The following ARID4A variants were observed in gnomAD, a reference collection of about 807,000 sequenced individuals.
ARID4A encodes AT-rich interactive domain-containing protein 4A.
Under a neutral mutation model 148.6 loss-of-function variants are expected in ARID4A, and 39 were observed. That is an observed-to-expected ratio of 0.26 (90% CI 0.20 to 0.34). The LOEUF (loss-of-function observed/expected upper bound fraction) is 0.34, where lower values mean the gene tolerates loss of function less well. Among genes scored for constraint, ARID4A ranks in the 10% least tolerant of loss-of-function variants. ARID4A has a pLI of 1.00. For missense variants in ARID4A, 1,265 were observed against 1,449.1 expected, an observed-to-expected ratio of 0.87 and a Z score of 2.06; for synonymous variants, 475 against 481.2, an observed-to-expected ratio of 0.99 and a Z score of 0.17.
chr14:58,372,067 G>T lies in ARID4A; in HGVS notation c.*78G>T. On this transcript the variant is annotated 3_prime_UTR_variant, in exon 24 of 24. Transcript: ENST00000355431. ...AAACCCTGAATTACAACCACAGAAA[G>T]CACTCAACTGGTTTGACATTGCTAA... The T allele has an allele frequency of 9.9e-7, 1 of 1,014,066 alleles. No individual in the cohort carries two copies. Among genetic ancestry groups the T allele is most frequent in the South Asian group, 1.4e-5 (1 of 73,808 alleles). 62.8% of individuals were successfully genotyped at this position (1,014,066 alleles called of 1,614,324 possible).
intron 21 of ARID4A, 47 bp downstream of exon 21, chr14:58,365,669 G>A: frequency 6.6e-7 from 1 of 1,512,896 alleles, no homozygotes; most frequent in Non-Finnish European, 9.1e-7. Flanking sequence ...AGTATTTTTA[G>A]CAGTTTGTTG....
intron 5 of ARID4A, among the ~76,000 whole-genome samples, chr14:58,309,962 C>G (rs1475377085): frequency 6.6e-6 from 1 of 152,098 alleles, no homozygotes; most frequent in Non-Finnish European, 1.5e-5. Context: ...TTAATGTAGT[C>G]AGACTCGCTT....
At chr14:58,309,096 C>T (rs1365673041) in intron 5 of ARID4A, among the ~76,000 whole-genome samples, 2 of 151,824 alleles carry the variant, frequency 1.3e-5, no homozygotes, top group South Asian at 2.1e-4. Flanking sequence ...AATATCTTAC[C>T]CTCTAATGGT....
At chr14:58,354,729 G>A (rs1272188366) in intron 17 of ARID4A, among the ~76,000 whole-genome samples, 2 of 151,722 alleles carry the variant, frequency 1.3e-5, no homozygotes, top group African/African-American at 4.8e-5. Flanking sequence ...GCTCCATATT[G>A]GATCCTGTCA....
chr14:58,359,770 T>C (rs1026894944), intron 18 of ARID4A, among the ~76,000 whole-genome samples: 1 of 152,166 alleles, frequency 6.6e-6, no homozygotes, highest in Non-Finnish European at 1.5e-5. Flanking sequence ...TAAATCTTAT[T>C]GTAATAATCA....
intron 19 of ARID4A, among the ~76,000 whole-genome samples, chr14:58,363,248 C>T (rs1271403371): frequency 6.6e-6 from 1 of 152,122 alleles, no homozygotes; most frequent in Non-Finnish European, 1.5e-5. Flanking sequence ...GATTTGAGCA[C>T]CATGTGGACA....
At position 58,364,048 on chromosome 14, in the gene ARID4A, C is replaced by T. The variant is rs142474913; in HGVS notation, c.2081-122C>T. The T allele has an allele frequency of 7.0e-4, 317 of 451,088 alleles. 2 individuals carry two copies. In the East Asian group the frequency reaches 0.012, roughly 18 times the overall value. The allele number at this position is 451,088 out of a possible 1,614,324, so 27.9% of individuals were successfully genotyped here. On this transcript the variant is annotated intron_variant, in intron 19 of 23. Coordinates refer to ENST00000355431, the MANE Select transcript of ARID4A (RefSeq NM_002892.4). ...ATTTGTTTTATTTCAGAAATTTCTA[C>T]AGGGAGGTATTCAGAGGTACATGAT...
intron 11 of ARID4A, among the ~76,000 whole-genome samples, chr14:58,340,927 T>C (rs543822224): frequency 6.6e-6 from 1 of 152,010 alleles, no homozygotes; most frequent in South Asian, 2.1e-4. Context: ...TGCACAGATA[T>C]CATTTTCATT....
rs970455395 is a variant in ARID4A at position 58,335,091 on chromosome 14, A to T, written c.906+4922A>T. ...ACCAGTGACTCCAACAAACTTTTGT[A>T]CTAAACCAAACACATTTTTGTCTTG... On this transcript the variant is annotated intron_variant, in intron 11 of 23. Transcript: ENST00000355431. Among the ~76,000 whole-genome samples, 9 of 152,310 alleles carry T rather than the reference A, an allele frequency of 5.9e-5. No individual in the cohort carries two copies. The East Asian group carries it at 1.5e-3, about 26-fold the overall frequency.
intron 17 of ARID4A, among the ~76,000 whole-genome samples, chr14:58,356,699 ATT>A (rs1174156900): frequency 2.1e-4 from 27 of 128,018 alleles, no homozygotes; most frequent in Admixed American, 3.1e-4. Context: ...TTGAATTTTG[ATT>A]TTTTTTTTTT....
chr14:58,348,977 C>T (rs1333527213), intron 15 of ARID4A, among the ~76,000 whole-genome samples: 7 of 152,262 alleles, frequency 4.6e-5, no homozygotes, highest in African/African-American at 1.4e-4. Flanking sequence ...TTTTACCTTG[C>T]AAACCTGAAA....
At chr14:58,361,281 T>G (rs747031554) in intron 19 of ARID4A, among the ~76,000 whole-genome samples, 4 of 152,108 alleles carry the variant, frequency 2.6e-5, no homozygotes, top group Non-Finnish European at 5.9e-5. Context: ...TAATGAGATA[T>G]CCTAGGGATA....
Position 58,341,693 on chromosome 14 carries a change from T to A in ARID4A, c.907-3002T>A, listed in dbSNP as rs964262423. Among the ~76,000 whole-genome samples the A allele has an allele frequency of 6.6e-5, 10 of 152,220 alleles. No homozygotes were observed. In the East Asian group the frequency reaches 1.9e-3, roughly 29 times the overall value. Reference sequence around the variant, plus strand: ...TGAGCTTAATCTGAAGACATGTGCCTAAAGTCAAAAAATTCACAATCTAGT... The same window carrying A: ...TGAGCTTAATCTGAAGACATGTGCCAAAAGTCAAAAAATTCACAATCTAGT... On this transcript the variant is annotated intron_variant, in intron 11 of 23. Transcript: ENST00000355431.
chr14:58,357,709 A>T (rs1164687716), intron 17 of ARID4A, among the ~76,000 whole-genome samples: 1 of 151,912 alleles, frequency 6.6e-6, no homozygotes, highest in Non-Finnish European at 1.5e-5. Flanking sequence ...AGAGAAGCCA[A>T]AAGATTGGAC....
At chr14:58,369,103 T>C (rs1566729977) in intron 23 of ARID4A, among the ~76,000 whole-genome samples, 1 of 151,660 alleles carries the variant, frequency 6.6e-6, no homozygotes, top group Non-Finnish European at 1.5e-5. Context: ...AAAAAGACAA[T>C]AGGAGAGAAG....
At chr14:58,340,027 C>T (rs1441477533) in intron 11 of ARID4A, among the ~76,000 whole-genome samples, 1 of 152,322 alleles carries the variant, frequency 6.6e-6, no homozygotes, top group African/African-American at 2.4e-5. Context: ...TACAATTCAA[C>T]ATGAGATTTG....
At chr14:58,336,248 C>T (rs1041743725) in intron 11 of ARID4A, among the ~76,000 whole-genome samples, 3 of 152,102 alleles carry the variant, frequency 2.0e-5, no homozygotes, top group Non-Finnish European at 4.4e-5. Flanking sequence ...GGCTCTTAGT[C>T]CTTACACTAA....
At chr14:58,298,869 C>T (rs2030802593) in intron 1 of ARID4A, among the ~76,000 whole-genome samples, 169 bp downstream of exon 1, 1 of 152,180 alleles carries the variant, frequency 6.6e-6, no homozygotes, top group Admixed American at 6.5e-5. Context: ...TGACCAGCGG[C>T]AGCAACTGCA....
intron 7 of ARID4A, among the ~76,000 whole-genome samples, chr14:58,321,969 T>C (rs904630216): frequency 3.3e-5 from 5 of 151,958 alleles, no homozygotes; most frequent in African/African-American, 1.2e-4. Context: ...TTTTTTGGTT[T>C]TTTGTTTGTT....
Sources: gnomAD v4.1 joint callset for allele counts (sites outside exome capture counted in the v4.1 genomes callset) on GRCh38, gnomAD v4.1.1 for gene constraint, MANE v1.5 for transcripts, NCBI Gene and HGNC (gene_info 2026-07-23, HGNC 2026-07-21) for gene names.